ANGPT1: variants seen among roughly 807,000 people sequenced by gnomAD.
ANGPT1 encodes angiopoietin 1, also known as angiopoietin-1.
Under a neutral mutation model 62.2 loss-of-function variants are expected in ANGPT1, and 17 were observed. That is an observed-to-expected ratio of 0.27 (90% CI 0.19 to 0.41). The LOEUF is 0.41. Ranked by LOEUF, ANGPT1 falls within the 10% of genes least tolerant of loss-of-function variation. The pLI is 1.00. For synonymous variants in ANGPT1, 199 were observed against 198.9 expected, an observed-to-expected ratio of 1.00 and a Z score of 0.00; for missense variants, 478 against 594.9, an observed-to-expected ratio of 0.80 and a Z score of 2.04.
At chr8:107,372,831 A>C (rs1816443223) in intron 1 of ANGPT1, among the ~76,000 whole-genome samples, 1 of 151,258 alleles carries the variant, frequency 6.6e-6, no homozygotes, top group Admixed American at 6.6e-5. Context: ...ATATGTACCT[A>C]AAGCCACCAA....
intron 1 of ANGPT1, among the ~76,000 whole-genome samples, chr8:107,363,313 G>A (rs1386367443): frequency 6.6e-6 from 1 of 152,196 alleles, no homozygotes; most frequent in Non-Finnish European, 1.5e-5. Context: ...ATGTGGGTAG[G>A]TTGGAAGAAG....
intron 3 of ANGPT1, among the ~76,000 whole-genome samples, chr8:107,327,865 T>G (rs1815326409): frequency 6.6e-6 from 1 of 152,094 alleles, no homozygotes; most frequent in South Asian, 2.1e-4. Context: ...TCTAAATGAG[T>G]GTACAGCAAG....
intron 3 of ANGPT1, among the ~76,000 whole-genome samples, chr8:107,324,165 A>G (rs999276662): frequency 3.5e-5 from 5 of 144,560 alleles, no homozygotes; most frequent in African/African-American, 1.0e-4. Flanking sequence ...AAAAATATGT[A>G]TATATATATA....
At chr8:107,272,359 A>G (rs1348690821) in intron 7 of ANGPT1, among the ~76,000 whole-genome samples, 1 of 152,076 alleles carries the variant, frequency 6.6e-6, no homozygotes, top group Non-Finnish European at 1.5e-5. Context: ...TGATTGTTTT[A>G]GATATTAGCT....
At chr8:107,283,437 A>G (rs1814063633) in intron 7 of ANGPT1, among the ~76,000 whole-genome samples, 1 of 152,124 alleles carries the variant, frequency 6.6e-6, no homozygotes, top group South Asian at 2.1e-4. Flanking sequence ...GAAAATGATT[A>G]TTATGTCTCC....
chr8:107,260,904 T>C (rs1050865901), intron 8 of ANGPT1, among the ~76,000 whole-genome samples: 5 of 152,174 alleles, frequency 3.3e-5, no homozygotes, highest in Admixed American at 3.3e-4. Context: ...AATAAAATCA[T>C]AAATCTGAGC....
At chr8:107,462,930 A>G (rs1812108365) in intron 1 of ANGPT1, among the ~76,000 whole-genome samples, 1 of 152,084 alleles carries the variant, frequency 6.6e-6, no homozygotes, top group Non-Finnish European at 1.5e-5. Context: ...AAGAAAGTTG[A>G]CATTTCTGTC....
chr8:107,255,215 C>G (rs1358585354), intron 8 of ANGPT1, among the ~76,000 whole-genome samples: 1 of 152,090 alleles, frequency 6.6e-6, no homozygotes, highest in Non-Finnish European at 1.5e-5. Context: ...TGAGGGACCA[C>G]AAAGCTCACT....
chr8:107,468,906 T>TA (rs1375580072), intron 1 of ANGPT1, among the ~76,000 whole-genome samples: 1 of 151,984 alleles, frequency 6.6e-6, no homozygotes, highest in Non-Finnish European at 1.5e-5. Flanking sequence ...AATCCAATGG[T>TA]AAAAAAGAGA....
intron 4 of ANGPT1, among the ~76,000 whole-genome samples, chr8:107,318,067 AC>A (rs1369528190): frequency 6.6e-6 from 1 of 152,230 alleles, no homozygotes. Context: ...ATTGCCAAAA[AC>A]ATGAAGCAAT....
intron 1 of ANGPT1, among the ~76,000 whole-genome samples, chr8:107,375,677 C>G (rs1016934530): frequency 6.6e-6 from 1 of 152,060 alleles, no homozygotes; most frequent in African/African-American, 2.4e-5. Context: ...AGGACTGCCA[C>G]CAAGGGTAAG....
In ANGPT1 at chr8:107,336,182, T is replaced by C. The variant is rs1304673984; in HGVS notation, c.543A>G (p.Thr181=). 1 of 1,606,176 alleles carries C rather than the reference T, an allele frequency of 6.2e-7. No homozygotes were observed. Among genetic ancestry groups the C allele is most frequent in the African/African-American group, 1.3e-5 (1 of 74,328 alleles). The part of the protein sequence containing the change: ...YKLEKQLLQQ[T]NEILKIHEKN... ...TTTCATGGATCTTCAAGATTTCATTTGTCTGTTGAAGAAGTTGCTTCTCTA... is the reference window on the plus strand; with the variant it reads ...TTTCATGGATCTTCAAGATTTCATTCGTCTGTTGAAGAAGTTGCTTCTCTA... The change falls in exon 3 of 9, where the codon ACA becomes ACG. Residue 181 remains threonine, a synonymous_variant. Coordinates refer to ENST00000517746, the MANE Select transcript of ANGPT1 (RefSeq NM_001146.5).
At chr8:107,403,395 T>G (rs1817084725) in intron 1 of ANGPT1, among the ~76,000 whole-genome samples, 1 of 152,136 alleles carries the variant, frequency 6.6e-6, no homozygotes, top group African/African-American at 2.4e-5. Flanking sequence ...TTATTCGGCC[T>G]CTATTATGGG....
intron 1 of ANGPT1, among the ~76,000 whole-genome samples, chr8:107,444,747 A>G (rs1811569723): frequency 1.3e-5 from 2 of 152,224 alleles, no homozygotes; most frequent in South Asian, 4.2e-4. Flanking sequence ...GAGTGAAAAA[A>G]TCACTTACCC....
At chr8:107,392,388 A>G (rs1252399371) in intron 1 of ANGPT1, among the ~76,000 whole-genome samples, 1 of 152,202 alleles carries the variant, frequency 6.6e-6, no homozygotes, top group East Asian at 1.9e-4. Context: ...TCGATCTGGT[A>G]GAAGAAAAAA....
chr8:107,310,079 A>T (rs75809006), intron 4 of ANGPT1, among the ~76,000 whole-genome samples: 12 of 152,114 alleles, frequency 7.9e-5, no homozygotes, highest in Non-Finnish European at 1.2e-4. Flanking sequence ...TAAATTATTT[A>T]TATGTAATTT....
At chr8:107,457,951 C>CA (rs2130469590) in intron 1 of ANGPT1, among the ~76,000 whole-genome samples, 1 of 151,514 alleles carries the variant, frequency 6.6e-6, no homozygotes, top group East Asian at 1.9e-4. Flanking sequence ...CAAACTGTTC[C>CA]AGTTCCTCCT....
intron 1 of ANGPT1, among the ~76,000 whole-genome samples, chr8:107,474,670 G>C (rs199760840): frequency 2.0e-5 from 3 of 152,030 alleles, no homozygotes; most frequent in African/African-American, 7.2e-5. Flanking sequence ...GACATGATTG[G>C]ATATCTAGAA....
chr8:107,372,408 C>A (rs752132460), intron 1 of ANGPT1, among the ~76,000 whole-genome samples: 4 of 152,088 alleles, frequency 2.6e-5, no homozygotes, highest in Admixed American at 6.5e-5. Flanking sequence ...AGGAGATGAC[C>A]ATTCTCCTGG....
Sources: allele counts gnomAD v4.1 joint callset (sites outside exome capture counted in the v4.1 genomes callset), GRCh38; gene constraint gnomAD v4.1.1; transcripts MANE v1.5; gene names NCBI Gene and HGNC (gene_info 2026-07-23, HGNC 2026-07-21).